ZFHX4: variants seen among roughly 807,000 people sequenced by gnomAD.
The protein encoded by ZFHX4 is zinc finger homeobox 4.
In ZFHX4, 56 loss-of-function variants were observed where a neutral mutation model predicts 267.6. The ratio of observed to expected loss-of-function variants is 0.21; its 90% confidence interval spans 0.17 to 0.26. The LOEUF (loss-of-function observed/expected upper bound fraction) is 0.26, where lower values mean the gene tolerates loss of function less well. Ranked by LOEUF, ZFHX4 falls within the 10% of genes least tolerant of loss-of-function variation. The pLI, the probability that ZFHX4 is intolerant of heterozygous loss-of-function variation, is 1.00. For synonymous variants in ZFHX4, 1,778 were observed against 1,665.6 expected, an observed-to-expected ratio of 1.07 and a Z score of -1.64; for missense variants, 4,332 against 4,420.0, an observed-to-expected ratio of 0.98 and a Z score of 0.56.
chr8:76,784,918 T>C (rs1348009522), intron 4 of ZFHX4, among the ~76,000 whole-genome samples: 1 of 152,040 alleles, frequency 6.6e-6, no homozygotes, highest in African/African-American at 2.4e-5. Context: ...GTTGGTGTCA[T>C]TAAAATGACA....
intron 3 of ZFHX4, among the ~76,000 whole-genome samples, chr8:76,764,579 A>G (rs1048737305): frequency 2.6e-5 from 4 of 152,186 alleles, no homozygotes. Context: ...TAGAATCTTG[A>G]GTATAAAAGA....
intron 4 of ZFHX4, among the ~76,000 whole-genome samples, chr8:76,815,324 G>A (rs926207560): frequency 2.6e-5 from 4 of 152,264 alleles, no homozygotes; most frequent in Non-Finnish European, 2.9e-5. Context: ...CATACAATGC[G>A]TAGCTTATAA....
intron 1 of ZFHX4, among the ~76,000 whole-genome samples, chr8:76,694,653 C>T (rs1807907337): frequency 7.0e-6 from 1 of 142,158 alleles, no homozygotes; most frequent in South Asian, 2.4e-4. Flanking sequence ...TTTTTTCCCT[C>T]CTCCTGCACC....
rs1810084286 is a variant in ZFHX4 at position 76,767,572 on chromosome 8, C to T, written c.3094-10636C>T. ...GGAACCAAAAGTTATTAGATACCTG[C>T]ACGTAGCAGTTTATATTATACTGCT... On this transcript the variant is annotated intron_variant, in intron 3 of 10. Transcript: ENST00000651372. 3.3e-5 allele frequency among the ~76,000 whole-genome samples: 5 copies of T among 152,216 alleles called. No individual in the cohort carries two copies. The Middle Eastern group carries it at 0.01, about 311-fold the overall frequency.
At chr8:76,687,011 G>T (rs1432525111) in intron 1 of ZFHX4, among the ~76,000 whole-genome samples, 1 of 152,190 alleles carries the variant, frequency 6.6e-6, no homozygotes. Context: ...CCCAGGGAAA[G>T]TGCATGTGAA....
intron 3 of ZFHX4, among the ~76,000 whole-genome samples, chr8:76,777,622 G>A (rs369784415): frequency 2.6e-5 from 4 of 152,034 alleles, no homozygotes; most frequent in East Asian, 3.9e-4. Flanking sequence ...CCTCTATCAC[G>A]GAGGGCTCAG....
chr8:76,842,571 G>A (rs1812262224), intron 5 of ZFHX4, 84 bp from the exon 6 acceptor site: 8 of 942,532 alleles, frequency 8.5e-6, no homozygotes, highest in Admixed American at 2.7e-5. Flanking sequence ...AAATAACAAA[G>A]TTTTCAAGTG....
intron 4 of ZFHX4, among the ~76,000 whole-genome samples, chr8:76,817,266 A>G (rs984275943): frequency 3.9e-5 from 6 of 152,184 alleles, no homozygotes; most frequent in Admixed American, 6.5e-5. Context: ...AGAAAGTACT[A>G]TTGGTACTTG....
chr8:76,697,553 G>A (rs1807991672), intron 1 of ZFHX4, among the ~76,000 whole-genome samples: 1 of 151,916 alleles, frequency 6.6e-6, no homozygotes, highest in Admixed American at 6.6e-5. Flanking sequence ...AAAAATGATC[G>A]ATGCGGTTCA....
At chr8:76,786,172 T>C (rs1477541427) in intron 4 of ZFHX4, among the ~76,000 whole-genome samples, 1 of 152,102 alleles carries the variant, frequency 6.6e-6, no homozygotes, top group Non-Finnish European at 1.5e-5. Context: ...GTTTTAACTA[T>C]TCTAGAAATT....
At chr8:76,682,112 G>T (rs370349920) in intron 1 of ZFHX4, among the ~76,000 whole-genome samples, 1 of 151,938 alleles carries the variant, frequency 6.6e-6, no homozygotes, top group African/African-American at 2.4e-5. Context: ...AGGGGTCTCC[G>T]CTCGCCCCGC....
Position 76,854,182 on chromosome 8 carries a change from C to A in ZFHX4, c.7261C>A (p.Pro2421Thr). 1.3e-6 allele frequency: 2 copies of A among 1,578,332 alleles called. No individual in the cohort carries two copies. Among genetic ancestry groups the A allele is most frequent in the Non-Finnish European group, 1.7e-6 (2 of 1,162,200 alleles). Residue 2421 changes from proline to threonine, a missense_variant, in exon 10 of 11, where the codon CCT (proline) becomes ACT (threonine). By Grantham distance (38) the Pro-to-Thr change is conservative. Coordinates refer to ENST00000651372, the MANE Select transcript of ZFHX4 (RefSeq NM_024721.5). ...GCCAAAGCAGAGTGACCCCTCTCCCCCTTCTCAAGGCACCAAACCAGCCCT... is the reference window on the plus strand; with the variant it reads ...GCCAAAGCAGAGTGACCCCTCTCCCACTTCTCAAGGCACCAAACCAGCCCT... ...EKPKQSDPSP[P>T]SQGTKPALPL... is the part of the protein sequence containing the mutation.
At chr8:76,728,128 C>T (rs1259337990) in intron 3 of ZFHX4, among the ~76,000 whole-genome samples, 2 of 151,982 alleles carry the variant, frequency 1.3e-5, no homozygotes, top group African/African-American at 4.8e-5. Context: ...ATGTGTAGTC[C>T]AAGTTGTTTT....
At chr8:76,700,967 A>G (rs1382946334) in intron 1 of ZFHX4, among the ~76,000 whole-genome samples, 2 of 152,104 alleles carry the variant, frequency 1.3e-5, no homozygotes, top group African/African-American at 4.8e-5. Context: ...TTTAAGTTAA[A>G]TGGTTGTTTT....
chr8:76,834,246 A>G, intron 5 of ZFHX4: 1 of 330,824 alleles, frequency 3.0e-6, no homozygotes, highest in South Asian at 2.6e-5. Context: ...CCTTTGATAA[A>G]TGCCAAGGAG....
At chr8:76,709,652 A>G (rs1420677341) in intron 3 of ZFHX4, among the ~76,000 whole-genome samples, 2 of 152,096 alleles carry the variant, frequency 1.3e-5, no homozygotes, top group Non-Finnish European at 2.9e-5. Context: ...TTGTGAATGG[A>G]AGATATAAAT....
rs759427643 is a variant in ZFHX4, at chr8:76,851,344, A to T, written c.4423A>T (p.Thr1475Ser). 15 of 1,613,850 alleles carry T rather than the reference A, an allele frequency of 9.3e-6. No individual in the cohort carries two copies. The Admixed American group carries it at 2.3e-4, about 25-fold the overall frequency. Residue 1475 changes from threonine to serine, a missense_variant, in exon 10 of 11, where the codon ACT (threonine) becomes TCT (serine). Coordinates refer to ENST00000651372, the MANE Select transcript of ZFHX4 (RefSeq NM_024721.5). Reference sequence around the variant, plus strand: ...TGGAGAACTGTGGGCAGAGAGCGAAACTATGTCCCAGGATGACCATGGCCT... The same window carrying T: ...TGGAGAACTGTGGGCAGAGAGCGAATCTATGTCCCAGGATGACCATGGCCT... ...VNGELWAESE[T>S]MSQDDHGLEQ...
At chr8:76,819,251 A>G (rs984541279) in intron 4 of ZFHX4, among the ~76,000 whole-genome samples, 1 of 140,514 alleles carries the variant, frequency 7.1e-6, no homozygotes, top group African/African-American at 2.7e-5. Flanking sequence ...TGTTTTATTT[A>G]TAACATTTAG....
chr8:76,812,838 GT>G, intron 4 of ZFHX4, among the ~76,000 whole-genome samples: 1 of 151,864 alleles, frequency 6.6e-6, no homozygotes, highest in Middle Eastern at 3.4e-3. Flanking sequence ...GGTAAAATTT[GT>G]TGTTTTATAG....
Sources: allele counts gnomAD v4.1 joint callset (sites outside exome capture counted in the v4.1 genomes callset), GRCh38; gene constraint gnomAD v4.1.1; transcripts MANE v1.5; gene names NCBI Gene and HGNC (gene_info 2026-07-23, HGNC 2026-07-21).